Variants in HDAC5 observed in about 807,000 individuals in gnomAD.
The protein encoded by HDAC5 is antigen NY-CO-9.
In HDAC5, 25 loss-of-function variants were observed where a neutral mutation model predicts 133.3. That is an observed-to-expected ratio of 0.19 (90% confidence interval 0.14 to 0.26). The LOEUF (loss-of-function observed/expected upper bound fraction) is 0.26, where lower values mean the gene tolerates loss of function less well. Among genes scored for constraint, HDAC5 ranks in the 10% least tolerant of loss-of-function variants. HDAC5 has a pLI of 1.00. For missense variants in HDAC5, 1,041 were observed against 1,460.5 expected, an observed-to-expected ratio of 0.71 and a Z score of 4.68; for synonymous variants, 589 against 610.8, an observed-to-expected ratio of 0.96 and a Z score of 0.53.
At chr17:44,086,094 G>A (rs2050635193) in intron 14 of HDAC5, among the ~76,000 whole-genome samples, 1 of 152,158 alleles carries the variant, frequency 6.6e-6, no homozygotes, top group African/African-American at 2.4e-5. Context: ...CTCCTCAGCT[G>A]CACCCTTCTC....
At chr17:44,079,669 A>G (rs998058945) in intron 23 of HDAC5, among the ~76,000 whole-genome samples, 9 of 151,564 alleles carry the variant, frequency 5.9e-5, no homozygotes, top group African/African-American at 1.2e-4. Flanking sequence ...AAGAAAGAAA[A>G]GGAGAGAAAA....
chr17:44,088,657 C>T, intron 11 of HDAC5, 59 bp from the exon 12 acceptor site: 1 of 1,568,078 alleles, frequency 6.4e-7, no homozygotes, highest in South Asian at 1.2e-5. Flanking sequence ...TGCCCTCCCA[C>T]CGACCCTGCA....
In HDAC5 at chr17:44,080,787, A is replaced by G. The variant is rs769763546; in HGVS notation, c.2703T>C (p.Phe901=). Residue 901 remains phenylalanine (F), a synonymous_variant, in exon 21 of 27, where the codon TTT becomes TTC. Transcript: ENST00000682912. ...CCTCTTCAGGAGCCCCAGAGCCTGG[A>G]AAGAAGTTCCCGTTGTCATAGCGAT... The part of the protein sequence containing the change: ...SLHRYDNGNF[F]PGSGAPEEVG... 6.2e-7 allele frequency: 1 copy of G among 1,614,246 alleles called. No homozygotes were observed. Among genetic ancestry groups the G allele is most frequent in the Admixed American group, 1.7e-5 (1 of 60,030 alleles).
At chr17:44,113,352 C>T (rs982365979) in intron 2 of HDAC5, among the ~76,000 whole-genome samples, 45 of 152,278 alleles carry the variant, frequency 3.0e-4, no homozygotes, top group African/African-American at 9.6e-4. Flanking sequence ...AGCCAGCTCC[C>T]AGCACCATTA....
In HDAC5 at chr17:44,087,462, C is replaced by T; in HGVS notation, c.1834G>A (p.Gly612Ser). 1 of 1,466,704 alleles carries T rather than the reference C, an allele frequency of 6.8e-7. No homozygotes were observed. The highest frequency in any genetic ancestry group is 9.6e-7 in the Non-Finnish European group (1 of 1,045,644). The allele number at this position is 1,466,704 out of a possible 1,614,324, so 90.9% of individuals were successfully genotyped here. A position where few individuals can be genotyped will look rare whatever the true frequency, so the allele number is the denominator to read the frequency against. Residue 612 changes from glycine (G) to serine (S), a missense_variant, in exon 13 of 27, where the codon GGT becomes AGT. Coordinates refer to ENST00000682912, the MANE Select transcript of HDAC5 (RefSeq NM_005474.5). ...TCCAAGTCGGGCCCCTCCTCAGCAC[C>T]ACTCTCGCCCTCCTCGTCCTTAACC... is the stretch of plus-strand genomic sequence containing the variant. ...IQVKDEEGESGAEEGPDLEEP... is the reference protein window; with the variant it reads ...IQVKDEEGESSAEEGPDLEEP...
intron 6 of HDAC5, 98 bp from the exon 7 acceptor site, chr17:44,092,904 G>GTA: frequency 1.5e-6 from 1 of 659,714 alleles, no homozygotes; most frequent in Admixed American, 3.1e-5. Flanking sequence ...AAAATCGTTT[G>GTA]TATATAGGAA....
Position 44,079,242 on chromosome 17 carries a change from C to G in HDAC5, c.2980G>C (p.Ala994Pro). 6.2e-7 allele frequency: 1 copy of G among 1,613,698 alleles called. No homozygotes were observed. The highest frequency in any genetic ancestry group is 8.5e-7 in the Non-Finnish European group (1 of 1,179,744). ...GHLTRQLMTL[A>P]GGRVVLALEG... ...AGGGCCAGCACCACCCGGCCCCCTG[C>G]CAGGGTCATCAGCTGCCTGGTCAAG... is the stretch of plus-strand genomic sequence containing the variant. The change falls in exon 24 of 27, where the codon GCA becomes CCA. Residue 994 changes from alanine to proline, a missense_variant. Transcript: ENST00000682912.
intron 3 of HDAC5, among the ~76,000 whole-genome samples, chr17:44,097,947 T>A (rs556673291): frequency 6.6e-6 from 1 of 152,362 alleles, no homozygotes; most frequent in East Asian, 1.9e-4. Context: ...CACAGCCCTA[T>A]TGGTATGCAG....
rs1387049771 is a variant in HDAC5, at chr17:44,078,333, C to T, written c.*43G>A. The T allele has an allele frequency of 1.3e-6, 2 of 1,507,094 alleles. No individual in the cohort carries two copies. Among genetic ancestry groups the T allele is most frequent in the Non-Finnish European group, 1.8e-6 (2 of 1,130,992 alleles). The allele number at this position is 1,507,094 out of a possible 1,614,324, so 93.4% of individuals were successfully genotyped here. A position where few individuals can be genotyped will look rare whatever the true frequency, so the allele number is the denominator to read the frequency against. ...TTTTGTTTTTAATAGAAAAAATAAA[C>T]AAAATCACAATGGTGAAGCCCAGAG... On this transcript the variant is annotated 3_prime_UTR_variant, in exon 27 of 27. Transcript: ENST00000682912.
At chr17:44,080,015 G>A (rs2144201002) in intron 23 of HDAC5, 92 bp downstream of exon 23, 1 of 924,082 alleles carries the variant, frequency 1.1e-6, no homozygotes, top group Non-Finnish European at 1.8e-6. Flanking sequence ...TTCCCCGTCT[G>A]CTGCAATATC....
rs766379608 is a variant in HDAC5 at position 44,117,521 on chromosome 17, C to A, written c.-6G>T. 1 of 1,613,972 alleles carries A rather than the reference C, an allele frequency of 6.2e-7. No individual in the cohort carries two copies. The highest frequency in any genetic ancestry group is 1.1e-5 in the South Asian group (1 of 91,084). On this transcript the variant is annotated 5_prime_UTR_variant, in exon 2 of 27. Transcript: ENST00000682912. The surrounding 1 kb of genome is among the most constrained non-coding windows in gnomAD (Gnocchi z 4.2). Reference sequence around the variant, plus strand: ...GACTCGTTGGGAGAGTTCATGCCGGCTCTGGGCCTGCAGGAAGCTGGCGTT... The same window carrying A: ...GACTCGTTGGGAGAGTTCATGCCGGATCTGGGCCTGCAGGAAGCTGGCGTT...
At chr17:44,089,493 C>A (rs1567993652) in intron 11 of HDAC5, among the ~76,000 whole-genome samples, 2 of 152,146 alleles carry the variant, frequency 1.3e-5, no homozygotes, top group Non-Finnish European at 2.9e-5. Context: ...GCCTGTAATT[C>A]CAACACTTTG....
chr17:44,119,772 G>A (rs966788076), intron 1 of HDAC5, among the ~76,000 whole-genome samples: 1 of 152,178 alleles, frequency 6.6e-6, no homozygotes, highest in African/African-American at 2.4e-5. Flanking sequence ...AAGGGGAGAA[G>A]GGGAGCCTGA....
Position 44,092,823 on chromosome 17 carries a change from G to GAACC in HDAC5, c.642-18_642-17insGGTT. 2 of 666,250 alleles carry GAACC rather than the reference G, an allele frequency of 3.0e-6. No individual in the cohort carries two copies. Among genetic ancestry groups the GAACC allele is most frequent in the Non-Finnish European group, 4.7e-6 (2 of 422,858 alleles). 41.3% of individuals were successfully genotyped at this position (666,250 alleles called of 1,614,324 possible). A position where few individuals can be genotyped will look rare whatever the true frequency, so the allele number is the denominator to read the frequency against. On this transcript the variant is annotated splice_polypyrimidine_tract_variant and intron_variant, in intron 6 of 26. Coordinates refer to ENST00000682912, the MANE Select transcript of HDAC5 (RefSeq NM_005474.5). Reference sequence around the variant, plus strand: ...TGGGCTCCCCTGGGGTGGGGGGGGGGTGGGGATGGAAGCAGATCTAGGTTA... The same window carrying GAACC: ...TGGGCTCCCCTGGGGTGGGGGGGGGGAACCTGGGGATGGAAGCAGATCTAGGTTA...
chr17:44,094,244 A>G (rs1206778616), intron 3 of HDAC5, among the ~76,000 whole-genome samples: 8 of 150,204 alleles, frequency 5.3e-5, no homozygotes, highest in African/African-American at 1.7e-4. Context: ...AATCTCTTGA[A>G]CCCCGGGAGG....
Position 44,077,529 on chromosome 17 carries a change from C to T in HDAC5, c.*847G>A, listed in dbSNP as rs1339605611. On this transcript the variant is annotated 3_prime_UTR_variant, in exon 27 of 27. Coordinates refer to ENST00000682912, the MANE Select transcript of HDAC5 (RefSeq NM_005474.5). Reference sequence around the variant, plus strand: ...TGACAGCAGGGGGGCTCTCACCAGCCTGGAGCCCCTCTGCAGGGACCACCT... The same window carrying T: ...TGACAGCAGGGGGGCTCTCACCAGCTTGGAGCCCCTCTGCAGGGACCACCT... 1 of 152,306 alleles carries T rather than the reference C, an allele frequency of 6.6e-6. No homozygotes were observed. The highest frequency in any genetic ancestry group is 1.5e-5 in the Non-Finnish European group (1 of 68,102). 9.4% of individuals were successfully genotyped at this position (152,306 alleles called of 1,614,324 possible). A position where few individuals can be genotyped will look rare whatever the true frequency, so the allele number is the denominator to read the frequency against.
chr17:44,110,681 C>G, intron 3 of HDAC5, 48 bp downstream of exon 3: 2 of 1,477,548 alleles, frequency 1.4e-6, no homozygotes, highest in Non-Finnish European at 1.9e-6. Flanking sequence ...AGCCCAGGGA[C>G]AAGGATGCCA....
chr17:44,122,648 C>T (rs1175549438), intron 1 of HDAC5, among the ~76,000 whole-genome samples: 4 of 152,162 alleles, frequency 2.6e-5, no homozygotes, highest in African/African-American at 9.7e-5. Flanking sequence ...ACTTCAACAG[C>T]CCCCACCAAG....
intron 3 of HDAC5, among the ~76,000 whole-genome samples, chr17:44,104,691 G>A (rs1290278945): frequency 6.6e-6 from 1 of 152,168 alleles, no homozygotes; most frequent in Non-Finnish European, 1.5e-5. Flanking sequence ...GATCCCTTTT[G>A]TCCCTCAAAA....
Sources: gnomAD v4.1 joint callset for allele counts (sites outside exome capture counted in the v4.1 genomes callset) on GRCh38, gnomAD v4.1.1 for gene constraint, Gnocchi (gnomAD v3.1) non-coding constraint, MANE v1.5 for transcripts, NCBI Gene and HGNC (gene_info 2026-07-23, HGNC 2026-07-21) for gene names.